The following LANCL3 variants were observed in gnomAD, a reference collection of about 807,000 sequenced individuals.
The protein encoded by LANCL3 is LanC like family member 3.
LANCL3 carries 19 observed loss-of-function variants against 26.5 expected under a neutral mutation model. That is an observed-to-expected ratio of 0.72 (90% CI 0.50 to 1.05). LANCL3 has a LOEUF of 1.05. Ranked by LOEUF, LANCL3 falls within the 50% of genes least tolerant of loss-of-function variation. LANCL3 has a pLI of 0.00. For synonymous variants in LANCL3, 160 were observed against 166.6 expected, an observed-to-expected ratio of 0.96 and a Z score of 0.30; for missense variants, 318 against 362.7, an observed-to-expected ratio of 0.88 and a Z score of 1.00.
At chrX:37,585,031 T>C (rs1241266169) in intron 1 of LANCL3, among the ~76,000 whole-genome samples, 3 of 112,181 alleles carry the variant, frequency 2.7e-5, no homozygotes, top group African/African-American at 6.5e-5. Context: ...AACATCTTTA[T>C]TTCTCCCTCA....
Position 37,573,437 on chromosome X carries a change from AAG to A in LANCL3, c.573+997_573+998del, listed in dbSNP as rs199934803. Among the ~76,000 whole-genome samples, 91 of 112,140 alleles carry A rather than the reference AAG, an allele frequency of 8.1e-4. No homozygotes were observed. In the East Asian group the frequency reaches 0.023, roughly 29 times the overall value. On this transcript the variant is annotated intron_variant, in intron 1 of 4. Transcript: ENST00000378619. Reference sequence around the variant, plus strand: ...ATTAAAGGTATATAGAGTGTTTTAAAAGAGTAATTAACTTAGATCACCTCTAC... The same window carrying A: ...ATTAAAGGTATATAGAGTGTTTTAAAAGTAATTAACTTAGATCACCTCTAC...
chrX:37,612,093 A>G (rs1053247872), intron 1 of LANCL3, among the ~76,000 whole-genome samples: 11 of 110,256 alleles, frequency 1.0e-4, no homozygotes, highest in Admixed American at 9.6e-4. Context: ...GGCATGGGCC[A>G]TGAGTCCTGG....
At chrX:37,654,753 T>G (rs1556430340) in intron 1 of LANCL3, among the ~76,000 whole-genome samples, 1 of 112,168 alleles carries the variant, frequency 8.9e-6, no homozygotes, top group African/African-American at 3.2e-5. Context: ...AGACTCTGTG[T>G]TAGGCACCAA....
chrX:37,627,356 G>A (rs1925345616), intron 1 of LANCL3, among the ~76,000 whole-genome samples: 1 of 111,618 alleles, frequency 9.0e-6, no homozygotes, highest in African/African-American at 3.3e-5. Context: ...AAGCTTCTAT[G>A]TGATAGTGTA....
At chrX:37,580,666 A>G (rs1923869512) in intron 1 of LANCL3, among the ~76,000 whole-genome samples, 1 of 110,794 alleles carries the variant, frequency 9.0e-6, no homozygotes, top group South Asian at 3.8e-4. Flanking sequence ...TGTAACTGAA[A>G]CTTTGTACCC....
chrX:37,622,553 A>G (rs905854306), intron 1 of LANCL3, among the ~76,000 whole-genome samples: 7 of 111,730 alleles, frequency 6.3e-5, no homozygotes, highest in Non-Finnish European at 1.1e-4. Flanking sequence ...ATCTGGTAGC[A>G]CAAAATTTTG....
intron 1 of LANCL3, among the ~76,000 whole-genome samples, chrX:37,606,214 T>TA: frequency 8.9e-6 from 1 of 111,995 alleles, no homozygotes; most frequent in South Asian, 3.8e-4. Flanking sequence ...CAGAGCATTC[T>TA]ATTAGAGACT....
chrX:37,668,320 A>AAT (rs782350468), intron 4 of LANCL3: 35 of 219,553 alleles, frequency 1.6e-4, no homozygotes, highest in East Asian at 2.7e-4. Context: ...TATATACATA[A>AAT]ATATATATAT....
intron 1 of LANCL3, among the ~76,000 whole-genome samples, chrX:37,621,113 C>T (rs1478663652): frequency 1.8e-5 from 2 of 111,971 alleles, no homozygotes; most frequent in Non-Finnish European, 3.8e-5. Flanking sequence ...TATGAGATTT[C>T]ATCCTTTCCA....
At chrX:37,640,568 G>A (rs1381261770) in intron 1 of LANCL3, among the ~76,000 whole-genome samples, 1 of 111,742 alleles carries the variant, frequency 8.9e-6, no homozygotes, top group Non-Finnish European at 1.9e-5. Context: ...TGTTCTCCTA[G>A]TAAGCCATAG....
intron 1 of LANCL3, among the ~76,000 whole-genome samples, chrX:37,634,106 C>T (rs1225942867): frequency 6.2e-5 from 7 of 112,715 alleles, no homozygotes; most frequent in African/African-American, 2.3e-4. Flanking sequence ...CTTCCGGGCT[C>T]CTTTGTTTAC....
At position 37,572,049 on chromosome X, in the gene LANCL3, C is replaced by G. The variant is rs1458430599; in HGVS notation, c.179C>G (p.Ala60Gly). The change falls in exon 1 of 5, where the codon GCC (alanine) becomes GGC (glycine). Residue 60 changes from alanine to glycine, a missense_variant. Physicochemically the swap from Ala to Gly is moderately conservative, Grantham distance 60 (BLOSUM62 0). Transcript: ENST00000378619. The part of the protein sequence containing the change: ...EARGATAGAS[A>G]CQGGLYGGVA... ...CGAGGGGCGACGGCGGGGGCTAGCG[C>G]CTGCCAGGGGGGGCTTTATGGCGGC... 1.4e-5 allele frequency: 17 copies of G among 1,180,378 alleles called. No homozygotes were observed. Among genetic ancestry groups the G allele is most frequent in the Admixed American group, 2.3e-5 (1 of 42,921 alleles).
chrX:37,604,937 C>T (rs1308276099), intron 1 of LANCL3, among the ~76,000 whole-genome samples: 1 of 112,446 alleles, frequency 8.9e-6, no homozygotes, highest in Admixed American at 9.4e-5. Flanking sequence ...AGCATGTGGT[C>T]TCAGAGGCAG....
chrX:37,574,556 C>G (rs1302692928), intron 1 of LANCL3, among the ~76,000 whole-genome samples: 1 of 112,028 alleles, frequency 8.9e-6, no homozygotes, highest in Non-Finnish European at 1.9e-5. Flanking sequence ...ATCTCCCACT[C>G]AAGCCGTTCC....
At chrX:37,629,144 C>T (rs1925403845) in intron 1 of LANCL3, among the ~76,000 whole-genome samples, 1 of 109,169 alleles carries the variant, frequency 9.2e-6, no homozygotes, top group Non-Finnish European at 1.9e-5. Context: ...GCCATTCTAA[C>T]TGGTGTGAGA....
chrX:37,616,517 T>C (rs1925014123), intron 1 of LANCL3, among the ~76,000 whole-genome samples: 1 of 112,083 alleles, frequency 8.9e-6, no homozygotes, highest in Admixed American at 9.4e-5. Context: ...AGGGAGGTAC[T>C]AGCTTGTCTC....
At chrX:37,622,540 A>G (rs913166622) in intron 1 of LANCL3, among the ~76,000 whole-genome samples, 2 of 111,687 alleles carry the variant, frequency 1.8e-5, no homozygotes, top group Non-Finnish European at 3.8e-5. Flanking sequence ...ATCATCTGTT[A>G]TCATCTGGTA....
chrX:37,662,560 A>C (rs1191872655), intron 3 of LANCL3, among the ~76,000 whole-genome samples: 3 of 111,983 alleles, frequency 2.7e-5, no homozygotes, highest in African/African-American at 6.5e-5. Context: ...AATGGACCTC[A>C]GTGGTGATTC....
intron 1 of LANCL3, among the ~76,000 whole-genome samples, chrX:37,651,955 T>C (rs961007816): frequency 4.5e-5 from 5 of 111,794 alleles, no homozygotes; most frequent in African/African-American, 1.6e-4. Flanking sequence ...GCTTACTCCC[T>C]GTTGACCTCA....
Sources: gnomAD v4.1 joint callset for allele counts (sites outside exome capture counted in the v4.1 genomes callset) on GRCh38, gnomAD v4.1.1 for gene constraint, MANE v1.5 for transcripts, NCBI Gene and HGNC (gene_info 2026-07-23, HGNC 2026-07-21) for gene names.